ADAM7: variants seen among roughly 807,000 people sequenced by gnomAD.
The protein encoded by ADAM7 is disintegrin and metalloproteinase domain-containing protein 7.
A neutral mutation model predicts 102.9 loss-of-function variants in ADAM7; 97 were observed. The observed-to-expected ratio is 0.94, with a 90% CI of 0.80 to 1.12. The LOEUF (loss-of-function observed/expected upper bound fraction) is 1.12. Among genes scored for constraint, ADAM7 ranks in the 50% most tolerant of loss-of-function variants. ADAM7 has a pLI of 0.00. For missense variants in ADAM7, 991 were observed against 908.7 expected (o/e 1.09, Z -1.16); for synonymous variants, 334 against 304.4 (o/e 1.10, Z -1.01).
rs956774127 is a variant in ADAM7 at position 24,508,662 on chromosome 8, C to A, written c.*116C>A. The A allele has an allele frequency of 2.5e-6, 4 of 1,570,226 alleles. No homozygotes were observed. Among genetic ancestry groups the A allele is most frequent in the South Asian group, 1.2e-5 (1 of 85,214 alleles). On this transcript the variant is annotated 3_prime_UTR_variant, in exon 22 of 22. Coordinates refer to ENST00000175238, the MANE Select transcript of ADAM7 (RefSeq NM_003817.4). ...CTCACATTTTTGGTAGTGTTTCAAA[C>A]GTTCTTTATCCAGACAGACAATGTT...
intron 3 of ADAM7, among the ~76,000 whole-genome samples, chr8:24,459,456 ATTTTTTGT>A (rs1418369152): frequency 2.7e-5 from 4 of 150,522 alleles, no homozygotes; most frequent in Non-Finnish European, 4.4e-5. Flanking sequence ...ATTTATTTTT[ATTTTTTGT>A]TTTTGTTTTT....
chr8:24,476,320 T>C lies in ADAM7; in HGVS notation c.634-113T>C, dbSNP rs906466257. ...AGCTGAATGAAAGGAGTTCTCTTTC[T>C]TCATTAGGCCAATGATTTTTTTCTT... On this transcript the variant is annotated intron_variant, in intron 7 of 21. Coordinates refer to ENST00000175238, the MANE Select transcript of ADAM7 (RefSeq NM_003817.4). The C allele has an allele frequency of 1.1e-5, 8 of 719,824 alleles. No individual in the cohort carries two copies. The African/African-American group carries it at 1.3e-4, about 11-fold the overall frequency. The allele number at this position is 719,824 out of a possible 1,614,324, so 44.6% of individuals were successfully genotyped here.
chr8:24,448,621 T>A (rs1431885714), intron 3 of ADAM7, among the ~76,000 whole-genome samples: 2 of 151,644 alleles, frequency 1.3e-5, no homozygotes, highest in Non-Finnish European at 2.9e-5. Flanking sequence ...ATGACCACAC[T>A]TTTCAACATT....
chr8:24,453,648 C>G (rs928490365), intron 3 of ADAM7, among the ~76,000 whole-genome samples: 1 of 152,206 alleles, frequency 6.6e-6, no homozygotes, highest in Non-Finnish European at 1.5e-5. Context: ...TCTTCTCTCA[C>G]CTCGTCAAAG....
At chr8:24,459,356 C>T (rs1819157347) in intron 3 of ADAM7, among the ~76,000 whole-genome samples, 1 of 151,724 alleles carries the variant, frequency 6.6e-6, no homozygotes, top group African/African-American at 2.4e-5. Context: ...TTAGTGATAA[C>T]TCTTTTTAAA....
chr8:24,482,353 A>G (rs1282840607), intron 9 of ADAM7, 42 bp downstream of exon 9: 1 of 1,551,488 alleles, frequency 6.4e-7, no homozygotes, highest in African/African-American at 1.4e-5. Context: ...TTGGTGGATT[A>G]TTACAAAAGA....
intron 3 of ADAM7, among the ~76,000 whole-genome samples, chr8:24,448,489 G>T (rs1423200724): frequency 6.6e-6 from 1 of 152,066 alleles, no homozygotes; most frequent in African/African-American, 2.4e-5. Context: ...CAAAGTAAAT[G>T]AATTTAGTGC....
In ADAM7 at chr8:24,491,918, T is replaced by C. The variant is rs1820373440; in HGVS notation, c.1372T>C (p.Ser458Pro). The change falls in exon 14 of 22, where the codon TCC (serine) becomes CCC (proline). Residue 458 changes from serine (S) to proline (P), a missense_variant. Physicochemically the swap from Ser to Pro is moderately conservative, Grantham distance 74. Transcript: ENST00000175238. The stretch of plus-strand genomic sequence containing the variant: ...TCCTCAACAGATAAAAAAAGCAGGG[T>C]CCATATGCAGACCGGCGAAAGATGA... ...CESCQIKKAG[S>P]ICRPAKDECD... 7 of 1,610,898 alleles carry C rather than the reference T, an allele frequency of 4.3e-6. No homozygotes were observed. Among genetic ancestry groups the C allele is most frequent in the East Asian group, 2.2e-5 (1 of 44,704 alleles).
At chr8:24,462,217 G>T (rs189675688) in intron 3 of ADAM7, among the ~76,000 whole-genome samples, 3 of 152,114 alleles carry the variant, frequency 2.0e-5, no homozygotes, top group Non-Finnish European at 2.9e-5. Flanking sequence ...TTTATTCTTA[G>T]CATGGCTACT....
intron 10 of ADAM7, among the ~76,000 whole-genome samples, chr8:24,486,081 G>C (rs558835491): frequency 6.6e-6 from 1 of 152,158 alleles, no homozygotes; most frequent in African/African-American, 2.4e-5. Flanking sequence ...TTGGATCATA[G>C]AGTCAATTTC....
At chr8:24,446,251 T>A (rs966360698) in intron 2 of ADAM7, among the ~76,000 whole-genome samples, 3 of 152,104 alleles carry the variant, frequency 2.0e-5, no homozygotes, top group African/African-American at 7.2e-5. Context: ...AGAATCCATA[T>A]GAAAACTACA....
intron 1 of ADAM7, 125 bp downstream of exon 1, chr8:24,441,285 C>A: frequency 1.1e-6 from 1 of 903,940 alleles, no homozygotes; most frequent in Non-Finnish European, 1.8e-6. Flanking sequence ...AGAGCTTCGA[C>A]TAGATTACAG....
At chr8:24,505,435 TAGG>T (rs1820918599) in intron 20 of ADAM7, among the ~76,000 whole-genome samples, 1 of 152,150 alleles carries the variant, frequency 6.6e-6, no homozygotes, top group Non-Finnish European at 1.5e-5. Context: ...TTAACAGAGA[TAGG>T]AGAGTTGGAT....
intron 7 of ADAM7, 37 bp downstream of exon 7, chr8:24,468,857 C>T (rs1290612436): frequency 6.4e-7 from 1 of 1,553,790 alleles, no homozygotes; most frequent in Non-Finnish European, 8.9e-7. Context: ...CTTTATTCTT[C>T]CTTTTGGAAC....
At chr8:24,507,169 CTTTA>C (rs1820979234) in intron 20 of ADAM7, among the ~76,000 whole-genome samples, 3 of 152,172 alleles carry the variant, frequency 2.0e-5, no homozygotes, top group Non-Finnish European at 2.9e-5. Flanking sequence ...AGTGCTAATA[CTTTA>C]AAAGTGTTTG....
rs183102761 is a variant in ADAM7 at position 24,442,979 on chromosome 8, T to A, written c.156+403T>A. Among the ~76,000 whole-genome samples, 126 of 152,320 alleles carry A rather than the reference T, an allele frequency of 8.3e-4. 1 individual carries two copies. Among genetic ancestry groups the A allele is most frequent in the Non-Finnish European group, 1.4e-3 (98 of 68,036 alleles). ...CTTTCAGAGGAACTCAAAGGCCTGC[T>A]TGGTCTGTTGCTCAGAAGGGTATTT... On this transcript the variant is annotated intron_variant, in intron 2 of 21. Transcript: ENST00000175238.
intron 13 of ADAM7, among the ~76,000 whole-genome samples, chr8:24,491,238 T>C (rs1217640351): frequency 2.6e-5 from 4 of 152,120 alleles, no homozygotes; most frequent in South Asian, 2.1e-4. Flanking sequence ...TATATTAGCA[T>C]TGGAAAGTGG....
chr8:24,463,962 T>C lies in ADAM7; in HGVS notation c.312+2T>C. 1 of 1,609,476 alleles carries C rather than the reference T, an allele frequency of 6.2e-7. No homozygotes were observed. The highest frequency in any genetic ancestry group is 8.5e-7 in the Non-Finnish European group (1 of 1,175,948). ...TTCACCAGGCATCCTCAGATCATGG[T>C]ATCTTATGGAACTTTACTGTGTCTC... On this transcript the variant is annotated splice_donor_variant, in intron 4 of 21. Coordinates refer to ENST00000175238, the MANE Select transcript of ADAM7 (RefSeq NM_003817.4). LOFTEE classifies it high-confidence loss of function.
chr8:24,474,505 G>T (rs570633902), intron 7 of ADAM7, among the ~76,000 whole-genome samples: 1 of 152,124 alleles, frequency 6.6e-6, no homozygotes, highest in Admixed American at 6.5e-5. Flanking sequence ...AAGTTCCTAA[G>T]GTAAATCATC....
Sources: gnomAD v4.1 joint callset for allele counts (sites outside exome capture counted in the v4.1 genomes callset) on GRCh38, gnomAD v4.1.1 for gene constraint, MANE v1.5 for transcripts, NCBI Gene and HGNC (gene_info 2026-07-23, HGNC 2026-07-21) for gene names.